Variants in ASXL1 observed in about 807,000 individuals in gnomAD.
ASXL1 encodes the protein polycomb group protein ASXL1.
ASXL1 carries 65 observed loss-of-function variants against 89.1 expected under a neutral mutation model. The ratio of observed to expected loss-of-function variants is 0.73; its 90% CI spans 0.60 to 0.90. ASXL1 has a LOEUF of 0.90. ASXL1 is among the 40% of genes least tolerant of loss of function. ASXL1 has a pLI of 0.00. For synonymous variants in ASXL1, 739 were observed against 746.9 expected, an observed-to-expected ratio of 0.99 and a Z score of 0.17; for missense variants, 1,786 against 1,942.9, an observed-to-expected ratio of 0.92 and a Z score of 1.52.
Position 32,369,086 on chromosome 20 carries a change from A to G in ASXL1, c.215A>G (p.Tyr72Cys), listed in dbSNP as rs778374087. ...SNSRGGEGLFYKLPGRISLFT... is the reference protein window; with the variant it reads ...SNSRGGEGLFCKLPGRISLFT... ...TCAAGAGGAGGAGAGGGGTTGTTTTATAAACTGCCTGGCCGAATCAGCCTT... is the reference window on the plus strand; with the variant it reads ...TCAAGAGGAGGAGAGGGGTTGTTTTGTAAACTGCCTGGCCGAATCAGCCTT... Residue 72 changes from tyrosine to cysteine, a missense_variant, in exon 4 of 13, where the codon TAT becomes TGT. Tyr to Cys is a radical substitution (Grantham distance 194). Coordinates refer to ENST00000375687, the MANE Select transcript of ASXL1 (RefSeq NM_015338.6). The G allele has an allele frequency of 1.2e-6, 2 of 1,613,840 alleles. No homozygotes were observed. Among genetic ancestry groups the G allele is most frequent in the East Asian group, 2.2e-5 (1 of 44,896 alleles).
intron 4 of ASXL1, among the ~76,000 whole-genome samples, chr20:32,377,912 C>T (rs2048413181): frequency 6.6e-6 from 1 of 151,436 alleles, no homozygotes; most frequent in South Asian, 2.1e-4. Flanking sequence ...CTCAGCCTCC[C>T]AAAGTCCTGG....
chr20:32,383,878 G>C (rs557903838), intron 4 of ASXL1, among the ~76,000 whole-genome samples: 2 of 152,262 alleles, frequency 1.3e-5, no homozygotes, highest in South Asian at 2.1e-4. Flanking sequence ...TCCATCTCTC[G>C]TGGGCTCCAC....
intron 4 of ASXL1, chr20:32,427,900 G>A (rs1197553533): frequency 3.6e-6 from 2 of 548,830 alleles, no homozygotes; most frequent in Non-Finnish European, 3.2e-6. Context: ...GCTTATAGGA[G>A]GCACCCTATA....
chr20:32,422,662 C>T (rs1173974195), intron 4 of ASXL1, among the ~76,000 whole-genome samples: 1 of 147,118 alleles, frequency 6.8e-6, no homozygotes, highest in East Asian at 2.0e-4. Context: ...TCTTGGCTCA[C>T]TGCAACCTTT....
intron 4 of ASXL1, among the ~76,000 whole-genome samples, chr20:32,418,227 C>G (rs909213675): frequency 1.3e-5 from 2 of 151,630 alleles, no homozygotes; most frequent in African/African-American, 4.8e-5. Flanking sequence ...AATAAATTAG[C>G]CTGGAGTGGT....
chr20:32,373,075 C>T (rs1414241107), intron 4 of ASXL1, among the ~76,000 whole-genome samples: 3 of 149,310 alleles, frequency 2.0e-5, no homozygotes, highest in African/African-American at 7.4e-5. Flanking sequence ...CCTCGTGTGT[C>T]CTTGTTCATA....
chr20:32,435,341 GA>G lies in ASXL1; in HGVS notation c.2632del (p.Ser878ValfsTer8). On this transcript the variant is annotated frameshift_variant, in exon 13 of 13. Coordinates refer to ENST00000375687, the MANE Select transcript of ASXL1 (RefSeq NM_015338.6). LOFTEE classifies it low-confidence loss of function (END_TRUNC). ...GLGGSCPPMR[E>X]SDTRQENLKT... ...TGGTGGCTCATGCCCTCCTATGAGG[GA>G]AAGTGATACTAGACAAGAAAACTTG... 1 of 1,614,196 alleles carries G rather than the reference GA, an allele frequency of 6.2e-7. No individual in the cohort carries two copies. The highest frequency in any genetic ancestry group is 8.5e-7 in the Non-Finnish European group (1 of 1,180,036).
chr20:32,431,614 G>A lies in ASXL1; in HGVS notation c.914G>A (p.Ser305Asn), dbSNP rs1413217828. 6.2e-7 allele frequency: 1 copy of A among 1,614,152 alleles called. No homozygotes were observed. The highest frequency in any genetic ancestry group is 8.5e-7 in the Non-Finnish European group (1 of 1,180,040). The change falls in exon 10 of 13, where the codon AGC becomes AAC. Residue 305 changes from serine (S) to asparagine (N), a missense_variant. Around this residue, in one of 3 missense-constraint regions of ASXL1, gnomAD observed 332 missense variants for 449.7 expected, o/e 0.74. Transcript: ENST00000375687. ...ACGGATGGCCTGTTGCGTCTCAGCA[G>A]CAGTGCACTAAATAACGAGTTTTTT... ...VGTDGLLRLS[S>N]SALNNEFFTH...
intron 12 of ASXL1, 200 bp from the exon 13 acceptor site, chr20:32,434,232 C>A: frequency 1.4e-6 from 1 of 733,522 alleles, no homozygotes; most frequent in Non-Finnish European, 2.2e-6. Context: ...AGAAGTGTGG[C>A]ATATAACAGC....
At chr20:32,377,996 G>GTGTGTT (rs1555902350) in intron 4 of ASXL1, among the ~76,000 whole-genome samples, 1 of 137,088 alleles carries the variant, frequency 7.3e-6, no homozygotes, top group Non-Finnish European at 1.6e-5. Context: ...GTGTGTGTGT[G>GTGTGTT]TGTGTGTTTT....
At chr20:32,417,716 G>T (rs1600553447) in intron 4 of ASXL1, among the ~76,000 whole-genome samples, 1 of 152,140 alleles carries the variant, frequency 6.6e-6, no homozygotes, top group Non-Finnish European at 1.5e-5. Flanking sequence ...ATAGGTATGT[G>T]TAGGTTTAAA....
rs139312623 is a variant in ASXL1 at position 32,370,735 on chromosome 20, G to A, written c.252+1612G>A. On this transcript the variant is annotated intron_variant, in intron 4 of 12. Transcript: ENST00000375687. ...TATATATAAATAAAGTTTATCTTGG[G>A]GTCAGATGTCTGTGCTGTTTTCTAT... Among the ~76,000 whole-genome samples the A allele has an allele frequency of 1.3e-4, 20 of 151,984 alleles. No homozygotes were observed. The East Asian group carries it at 3.9e-3, about 29-fold the overall frequency.
At chr20:32,366,520 C>G (rs1379742471) in intron 2 of ASXL1, 54 bp downstream of exon 2, 24 of 1,612,864 alleles carry the variant, frequency 1.5e-5, no homozygotes, top group Non-Finnish European at 2.0e-5. Context: ...ATGTGTCTTT[C>G]TGTAGTTGTA....
At chr20:32,405,349 A>AT (rs1289450673) in intron 4 of ASXL1, among the ~76,000 whole-genome samples, 1 of 152,054 alleles carries the variant, frequency 6.6e-6, no homozygotes. Context: ...AAGTGTTGGG[A>AT]TTATAGGCAT....
Position 32,436,633 on chromosome 20 carries a change from T to C in ASXL1, c.3921T>C (p.Ser1307=), listed in dbSNP as rs1332993008. 14 of 1,614,014 alleles carry C rather than the reference T, an allele frequency of 8.7e-6. No homozygotes were observed. Among genetic ancestry groups the C allele is most frequent in the Non-Finnish European group, 1.2e-5 (14 of 1,180,044 alleles). ...VTGQGKKLFG[S]GNVAATLQRP... ...GCCAAGGGAAGAAGCTTTTTGGCTC[T>C]GGGAATGTGGCTGCAACCCTTCAGC... The change falls in exon 13 of 13, where the codon TCT becomes TCC. Residue 1307 remains serine (S), a synonymous_variant. Coordinates refer to ENST00000375687, the MANE Select transcript of ASXL1 (RefSeq NM_015338.6).
chr20:32,423,671 C>T (rs1172087769), intron 4 of ASXL1, among the ~76,000 whole-genome samples: 3 of 152,110 alleles, frequency 2.0e-5, no homozygotes, highest in Non-Finnish European at 4.4e-5. Context: ...CTGCCACAAC[C>T]TCCCGAGTAG....
In ASXL1 at chr20:32,437,446, A is replaced by G. The variant is rs2011991821; in HGVS notation, c.*108A>G. On this transcript the variant is annotated 3_prime_UTR_variant, in exon 13 of 13. Coordinates refer to ENST00000375687, the MANE Select transcript of ASXL1 (RefSeq NM_015338.6). The stretch of plus-strand genomic sequence containing the variant: ...ATTGATATAATACTCTTTAGGCAGG[A>G]GCACTCTTGCCTTCCCCCAAAATTT... 1 of 1,531,580 alleles carries G rather than the reference A, an allele frequency of 6.5e-7. No individual in the cohort carries two copies. The highest frequency in any genetic ancestry group is 9.0e-7 in the Non-Finnish European group (1 of 1,112,792). The allele number at this position is 1,531,580 out of a possible 1,614,324, so 94.9% of individuals were successfully genotyped here. A position where few individuals can be genotyped will look rare whatever the true frequency, so the allele number is the denominator to read the frequency against.
chr20:32,385,059 T>C (rs897382468), intron 4 of ASXL1, among the ~76,000 whole-genome samples: 9 of 152,146 alleles, frequency 5.9e-5, no homozygotes, highest in African/African-American at 2.2e-4. Context: ...GGAGAGTTAG[T>C]TGAAGAATTT....
At chr20:32,364,444 C>T (rs1339494072) in intron 1 of ASXL1, among the ~76,000 whole-genome samples, 1 of 152,140 alleles carries the variant, frequency 6.6e-6, no homozygotes, top group Non-Finnish European at 1.5e-5. Context: ...TTTTGAACTC[C>T]TAGGCTCAAG....
Sources: allele counts gnomAD v4.1 joint callset (sites outside exome capture counted in the v4.1 genomes callset), GRCh38; gene constraint gnomAD v4.1.1; regional missense constraint gnomAD v4.1.1; transcripts MANE v1.5; gene names NCBI Gene and HGNC (gene_info 2026-07-23, HGNC 2026-07-21).